MICU1: variants seen among roughly 807,000 people sequenced by gnomAD.
MICU1 encodes mitochondrial calcium uptake 1.
In MICU1, 45 loss-of-function variants were observed where a neutral mutation model predicts 56.8. That is an observed-to-expected ratio of 0.79 (90% CI 0.62 to 1.02). The LOEUF (loss-of-function observed/expected upper bound fraction) is 1.02, where lower values mean the gene tolerates loss of function less well. Among genes scored for constraint, MICU1 ranks in the 50% least tolerant of loss-of-function variants. MICU1 has a pLI of 0.00. For synonymous variants in MICU1, 186 were observed against 195.1 expected (o/e 0.95, Z 0.39); for missense variants, 504 against 587.1 (o/e 0.86, Z 1.46).
At chr10:72,411,932 T>A (rs1483119872) in intron 9 of MICU1, among the ~76,000 whole-genome samples, 4 of 152,192 alleles carry the variant, frequency 2.6e-5, no homozygotes, top group Non-Finnish European at 4.4e-5. Flanking sequence ...TCACATTATA[T>A]AACTATTAAA....
At chr10:72,409,088 C>A (rs1863724882) in intron 9 of MICU1, among the ~76,000 whole-genome samples, 1 of 152,126 alleles carries the variant, frequency 6.6e-6, no homozygotes, top group Non-Finnish European at 1.5e-5. Context: ...CCCCCGCTTC[C>A]CACACATCAT....
intron 10 of MICU1, among the ~76,000 whole-genome samples, chr10:72,396,036 G>A (rs1263022742): frequency 1.3e-5 from 2 of 152,228 alleles, no homozygotes; most frequent in East Asian, 3.9e-4. Flanking sequence ...GGGGCCGACA[G>A]ACACCTCATA....
At chr10:72,484,536 A>C (rs896881909) in intron 6 of MICU1, among the ~76,000 whole-genome samples, 1 of 152,180 alleles carries the variant, frequency 6.6e-6, no homozygotes, top group African/African-American at 2.4e-5. Context: ...AAAGAGTCTT[A>C]AGGGAAAACA....
At chr10:72,595,541 A>C (rs1403823642) in intron 1 of MICU1, among the ~76,000 whole-genome samples, 2 of 152,048 alleles carry the variant, frequency 1.3e-5, no homozygotes, top group African/African-American at 4.8e-5. Flanking sequence ...CAAAATGATA[A>C]GCAGAAATAC....
chr10:72,394,849 A>G (rs1030494018), intron 10 of MICU1, among the ~76,000 whole-genome samples: 1 of 152,076 alleles, frequency 6.6e-6, no homozygotes, highest in African/African-American at 2.4e-5. Context: ...AATTAAATGT[A>G]TCTATCTGTT....
intron 8 of MICU1, among the ~76,000 whole-genome samples, chr10:72,430,840 G>A (rs1055047049): frequency 9.2e-5 from 14 of 152,276 alleles, no homozygotes; most frequent in East Asian, 7.7e-4. Context: ...GATTACAGGC[G>A]TGAGCCACTG....
intron 8 of MICU1, among the ~76,000 whole-genome samples, chr10:72,437,574 T>C (rs1864774474): frequency 6.6e-6 from 1 of 152,212 alleles, no homozygotes; most frequent in African/African-American, 2.4e-5. Flanking sequence ...GTAAATGGGC[T>C]AAATGTCCCA....
chr10:72,544,301 C>A (rs1423984095), intron 4 of MICU1, among the ~76,000 whole-genome samples: 1 of 152,144 alleles, frequency 6.6e-6, no homozygotes, highest in Non-Finnish European at 1.5e-5. Context: ...AAGCTCCCGG[C>A]CGAATAAAGC....
intron 8 of MICU1, among the ~76,000 whole-genome samples, chr10:72,452,839 A>C (rs921374737): frequency 8.5e-5 from 13 of 152,324 alleles, no homozygotes; most frequent in South Asian, 2.1e-4. Flanking sequence ...TACTAAAATC[A>C]TATAACTGTT....
chr10:72,605,024 C>G (rs1278658147), intron 1 of MICU1, among the ~76,000 whole-genome samples: 1 of 152,088 alleles, frequency 6.6e-6, no homozygotes, highest in Admixed American at 6.5e-5. Context: ...TAACATGCAG[C>G]AAATTATGAA....
chr10:72,489,365 A>T (rs1866582367), intron 6 of MICU1, among the ~76,000 whole-genome samples: 1 of 151,972 alleles, frequency 6.6e-6, no homozygotes, highest in Admixed American at 6.6e-5. Flanking sequence ...ATCTTAATCC[A>T]TTTAATCCTC....
At chr10:72,603,007 T>TC (rs371015576) in intron 1 of MICU1, among the ~76,000 whole-genome samples, 2 of 83,696 alleles carry the variant, frequency 2.4e-5, no homozygotes, top group Non-Finnish European at 5.4e-5. Flanking sequence ...TCCCAGCTAC[T>TC]CGGAGGCTGA....
intron 1 of MICU1, among the ~76,000 whole-genome samples, chr10:72,603,137 C>T (rs1207124718): frequency 6.6e-6 from 1 of 152,072 alleles, no homozygotes; most frequent in African/African-American, 2.4e-5. Flanking sequence ...CTGTAATCCC[C>T]AGCACTTTGG....
At chr10:72,370,182 A>T (rs1379717156) in intron 11 of MICU1, among the ~76,000 whole-genome samples, 1 of 152,118 alleles carries the variant, frequency 6.6e-6, no homozygotes, top group Non-Finnish European at 1.5e-5. Context: ...GGCCAAGAGC[A>T]TCTGTTTTAA....
intron 8 of MICU1, among the ~76,000 whole-genome samples, chr10:72,457,040 T>A (rs2132227805): frequency 6.6e-6 from 1 of 151,780 alleles, no homozygotes; most frequent in Admixed American, 6.6e-5. Flanking sequence ...CCCAGGTTGG[T>A]CTCAAGCTCC....
At chr10:72,491,693 C>G (rs1866659987) in intron 6 of MICU1, among the ~76,000 whole-genome samples, 1 of 152,124 alleles carries the variant, frequency 6.6e-6, no homozygotes. Context: ...ATCAGACATT[C>G]AAAGTATTTA....
At chr10:72,517,641 G>A (rs1356467146) in intron 5 of MICU1, among the ~76,000 whole-genome samples, 3 of 151,988 alleles carry the variant, frequency 2.0e-5, no homozygotes, top group African/African-American at 2.4e-5. Flanking sequence ...AGGGTGAGGG[G>A]GTGAGGGATA....
rs1443194315 is a variant in MICU1, at chr10:72,502,163, T to TG, written c.652+5991_652+5992insC. ...GTTTTGCTGTTTTTTTTTTTGTTTT[T>TG]TTTTTTTTTTTGAGTCAGTCTCGCT... On this transcript the variant is annotated intron_variant, in intron 6 of 11. Coordinates refer to ENST00000361114, the MANE Select transcript of MICU1 (RefSeq NM_001195518.2). Among the ~76,000 whole-genome samples the TG allele has an allele frequency of 2.6e-3, 364 of 140,460 alleles. 1 individual carries two copies. Among genetic ancestry groups the TG allele is most frequent in the Middle Eastern group, 0.022 (6 of 278 alleles). 92.1% of individuals were successfully genotyped at this position (140,460 alleles called of 152,430 possible).
intron 3 of MICU1, among the ~76,000 whole-genome samples, chr10:72,559,281 G>T (rs1840233275): frequency 6.6e-6 from 1 of 152,148 alleles, no homozygotes; most frequent in Admixed American, 6.5e-5. Flanking sequence ...GAAAGGGACT[G>T]AAGGGGAGTA....
Sources: allele counts gnomAD v4.1 joint callset (sites outside exome capture counted in the v4.1 genomes callset), GRCh38; gene constraint gnomAD v4.1.1; transcripts MANE v1.5; gene names NCBI Gene and HGNC (gene_info 2026-07-23, HGNC 2026-07-21).